Variants in ALDH1L2 observed in about 807,000 individuals in gnomAD.
ALDH1L2 encodes the protein mitochondrial 10-formyltetrahydrofolate dehydrogenase.
In ALDH1L2, 91 loss-of-function variants were observed where a neutral mutation model predicts 111.0. The ratio of observed to expected loss-of-function variants is 0.82; its 90% CI spans 0.69 to 0.98. The LOEUF (loss-of-function observed/expected upper bound fraction) is 0.98, where lower values mean the gene tolerates loss of function less well. ALDH1L2 is among the 50% of genes least tolerant of loss of function. The pLI is 0.00. For synonymous variants in ALDH1L2, 374 were observed against 392.6 expected (o/e 0.95, Z 0.56); for missense variants, 995 against 1,126.8 (o/e 0.88, Z 1.67).
chr12:105,024,169 C>T lies in ALDH1L2; in HGVS notation c.*255G>A, dbSNP rs1184488076. On this transcript the variant is annotated 3_prime_UTR_variant, in exon 23 of 23. Coordinates refer to ENST00000258494, the MANE Select transcript of ALDH1L2 (RefSeq NM_001034173.4). Reference sequence around the variant, plus strand: ...TAGATTTGTCTAGGTAGGGGAGAAACAGCTTGGTATTTTAGAAATACGTAT... The same window carrying T: ...TAGATTTGTCTAGGTAGGGGAGAAATAGCTTGGTATTTTAGAAATACGTAT... 3 of 548,512 alleles carry T rather than the reference C, an allele frequency of 5.5e-6. No individual in the cohort carries two copies. Among genetic ancestry groups the T allele is most frequent in the Non-Finnish European group, 9.8e-6 (3 of 307,252 alleles). 34.0% of individuals were successfully genotyped at this position (548,512 alleles called of 1,614,324 possible). A position where few individuals can be genotyped will look rare whatever the true frequency, so the allele number is the denominator to read the frequency against.
chr12:105,036,547 T>G (rs1398227527), intron 18 of ALDH1L2, among the ~76,000 whole-genome samples: 1 of 39,434 alleles, frequency 2.5e-5, no homozygotes, highest in Admixed American at 2.8e-4. Context: ...TATATATATA[T>G]ATATATATAT....
chr12:105,028,104 GGTT>G (rs893962369), intron 21 of ALDH1L2, among the ~76,000 whole-genome samples: 25 of 152,140 alleles, frequency 1.6e-4, no homozygotes, highest in Admixed American at 7.9e-4. Context: ...ATACAAGCCA[GGTT>G]GTTGTTGTTG....
chr12:105,045,963 T>C (rs1392541431), intron 15 of ALDH1L2, among the ~76,000 whole-genome samples: 1 of 151,880 alleles, frequency 6.6e-6, no homozygotes, highest in Non-Finnish European at 1.5e-5. Flanking sequence ...GCACTTTATA[T>C]AGTAAAAGCT....
intron 20 of ALDH1L2, among the ~76,000 whole-genome samples, chr12:105,031,103 C>T (rs544252959): frequency 6.6e-6 from 1 of 152,196 alleles, no homozygotes; most frequent in South Asian, 2.1e-4. Flanking sequence ...ATTTGTTTCT[C>T]TATCTCTTGT....
At position 105,026,568 on chromosome 12, in the gene ALDH1L2, T is replaced by C. The variant is rs1565947371; in HGVS notation, c.2693A>G (p.Gln898Arg). 1 of 1,614,112 alleles carries C rather than the reference T, an allele frequency of 6.2e-7. No homozygotes were observed. Among genetic ancestry groups the C allele is most frequent in the Admixed American group, 1.7e-5 (1 of 60,030 alleles). ...DVAAPFGGVK[Q>R]SGFGKDLGEE... ...ACCTAAGTCTTTTCCAAAGCCAGAT[T>C]GTTTAACTCCGCCAAATGGGGCCGC... The change falls in exon 22 of 23, where the codon CAA becomes CGA. Residue 898 changes from glutamine (Q) to arginine (R), a missense_variant. Gln to Arg is a conservative substitution (Grantham distance 43). Transcript: ENST00000258494.
At chr12:105,063,098 C>T in intron 6 of ALDH1L2, 76 bp from the exon 7 acceptor site, 1 of 1,440,406 alleles carries the variant, frequency 6.9e-7, no homozygotes. Context: ...GCATCATTCT[C>T]TGCAAAAACG....
chr12:105,027,173 C>G (rs1006491138), intron 21 of ALDH1L2, among the ~76,000 whole-genome samples: 3 of 152,226 alleles, frequency 2.0e-5, no homozygotes, highest in Non-Finnish European at 4.4e-5. Flanking sequence ...CTGCGCCCAG[C>G]CTGATTAAAT....
intron 1 of ALDH1L2, among the ~76,000 whole-genome samples, chr12:105,078,232 C>T (rs7300384): frequency 0.057 from 8,725 of 151,972 alleles, 825 homozygotes; most frequent in African/African-American, 0.2. Context: ...GGCTGGGTGC[C>T]GATCACCTGA....
rs139185060 is a variant in ALDH1L2 at position 105,072,909 on chromosome 12, G to A, written c.193+952C>T. The stretch of plus-strand genomic sequence containing the variant: ...GAATTGCTTGAACCTGGGAGGTGGA[G>A]GTTGCAGTGAGCCGAGGTCGTGCCA... On this transcript the variant is annotated intron_variant, in intron 2 of 22. Coordinates refer to ENST00000258494, the MANE Select transcript of ALDH1L2 (RefSeq NM_001034173.4). 8.5e-3 allele frequency among the ~76,000 whole-genome samples: 1,301 copies of A among 152,322 alleles called. 30 individuals carry two copies. The highest frequency in any genetic ancestry group is 0.08 in the East Asian group (413 of 5,184).
chr12:105,070,745 C>G lies in ALDH1L2; in HGVS notation c.253G>C (p.Gly85Arg). ...TCTGCCACTTCTTTGATGGTCTTGC[C>G]CTTGACCCTCCATTTAGGAAGCTTG... ...VFKLPKWRVK[G>R]KTIKEVAEAY... Residue 85 changes from glycine (G) to arginine (R), a missense_variant, in exon 3 of 23, where the codon GGC (glycine) becomes CGC (arginine). Coordinates refer to ENST00000258494, the MANE Select transcript of ALDH1L2 (RefSeq NM_001034173.4). 1 of 1,614,158 alleles carries G rather than the reference C, an allele frequency of 6.2e-7. No homozygotes were observed. The highest frequency in any genetic ancestry group is 8.5e-7 in the Non-Finnish European group (1 of 1,180,032).
chr12:105,070,726 A>G lies in ALDH1L2; in HGVS notation c.272T>C (p.Val91Ala). Residue 91 changes from valine to alanine, a missense_variant, in exon 3 of 23, where the codon GTG becomes GCG. Transcript: ENST00000258494. ...WRVKGKTIKE[V>A]AEAYRSVGAE... ...ACCCACGGATCTGTAGGCTTCTGCC[A>G]CTTCTTTGATGGTCTTGCCCTTGAC... The G allele has an allele frequency of 1.2e-6, 2 of 1,614,170 alleles. No individual in the cohort carries two copies. The highest frequency in any genetic ancestry group is 1.7e-6 in the Non-Finnish European group (2 of 1,180,028).
intron 15 of ALDH1L2, among the ~76,000 whole-genome samples, chr12:105,046,062 C>T (rs1301907066): frequency 6.7e-6 from 1 of 150,168 alleles, no homozygotes; most frequent in Non-Finnish European, 1.5e-5. Flanking sequence ...TGAACTATTT[C>T]TTAAAAGTAT....
intron 4 of ALDH1L2, 64 bp from the exon 5 acceptor site, chr12:105,066,733 T>A: frequency 7.1e-7 from 1 of 1,398,912 alleles, no homozygotes; most frequent in Non-Finnish European, 1.0e-6. Flanking sequence ...TCTATTTGAC[T>A]AAAGTTTCTG....
chr12:105,074,563 G>A (rs764526726), intron 1 of ALDH1L2, among the ~76,000 whole-genome samples: 5 of 151,216 alleles, frequency 3.3e-5, no homozygotes, highest in African/African-American at 4.9e-5. Flanking sequence ...CAGTGCCTCC[G>A]CAGAACTCTC....
chr12:105,036,125 ATTAT>A (rs1364149114), intron 18 of ALDH1L2, among the ~76,000 whole-genome samples: 667 of 48,798 alleles, frequency 0.014, 8 homozygotes, highest in East Asian at 0.11. Flanking sequence ...GTGTATATAT[ATTAT>A]ATATATACGT....
chr12:105,038,281 C>CACACAA, intron 17 of ALDH1L2, 79 bp from the exon 18 acceptor site: 8 of 33,766 alleles, frequency 2.4e-4, no homozygotes, highest in South Asian at 7.9e-4. Context: ...CACACACAAA[C>CACACAA]ACACACACAC....
rs1875879073 is a variant in ALDH1L2, at chr12:105,046,211, ATATATATATATTTTTTTTTTTTTTTTT to A, written c.1863+472_1863+498del. On this transcript the variant is annotated intron_variant, in intron 15 of 22. Coordinates refer to ENST00000258494, the MANE Select transcript of ALDH1L2 (RefSeq NM_001034173.4). ...TCTCTCTCTATATATATATATATAT[ATATATATATATTTTTTTTTTTTTTTTT>A]TTTTTTTTTTTTTGTGAGACAGAGT... Among the ~76,000 whole-genome samples, 36 of 50,860 alleles carry A rather than the reference ATATATATATATTTTTTTTTTTTTTTTT, an allele frequency of 7.1e-4. 1 individual carries two copies. The South Asian group carries it at 0.024, about 34-fold the overall frequency. The allele number at this position is 50,860 out of a possible 152,430, so 33.4% of individuals were successfully genotyped here. A position where few individuals can be genotyped will look rare whatever the true frequency, so the allele number is the denominator to read the frequency against.
At chr12:105,051,411 G>C (rs1422365780) in intron 12 of ALDH1L2, among the ~76,000 whole-genome samples, 1 of 152,300 alleles carries the variant, frequency 6.6e-6, no homozygotes, top group African/African-American at 2.4e-5. Flanking sequence ...CTCCACTGCA[G>C]TGTGGTTTTC....
In ALDH1L2 at chr12:105,031,882, T is replaced by A. The variant is rs201683661; in HGVS notation, c.2297A>T (p.Asp766Val). 1.7e-4 allele frequency: 270 copies of A among 1,614,096 alleles called. No individual in the cohort carries two copies. Among genetic ancestry groups the A allele is most frequent in the Middle Eastern group, 3.3e-4 (2 of 6,084 alleles). ...KIGDPLDRST[D>V]HGPQNHKAHL... ...AGCCTTATGATTTTGGGGCCCATGA[T>A]CAGTGGATCTGTCAAGTGGATCACC... Residue 766 changes from aspartate to valine, a missense_variant, in exon 20 of 23, where the codon GAT becomes GTT. Physicochemically the swap from Asp to Val is radical, Grantham distance 152. Transcript: ENST00000258494.
Sources: gnomAD v4.1 joint callset for allele counts (sites outside exome capture counted in the v4.1 genomes callset) on GRCh38, gnomAD v4.1.1 for gene constraint, MANE v1.5 for transcripts, NCBI Gene and HGNC (gene_info 2026-07-23, HGNC 2026-07-21) for gene names.